Variants in HCK observed in about 807,000 individuals in gnomAD.
HCK encodes the protein HCK proto-oncogene, Src family tyrosine kinase.
A neutral mutation model predicts 70.4 loss-of-function variants in HCK; 40 were observed. The ratio of observed to expected loss-of-function variants is 0.57; its 90% CI spans 0.44 to 0.74. HCK has a LOEUF of 0.74. HCK is among the 30% of genes least tolerant of loss of function. The pLI is 0.00. For synonymous variants in HCK, 245 were observed against 263.2 expected (o/e 0.93, Z 0.67); for missense variants, 568 against 697.2 (o/e 0.81, Z 2.09).
At chr20:32,072,800 C>A (rs557783049) in intron 2 of HCK, among the ~76,000 whole-genome samples, 10 of 152,102 alleles carry the variant, frequency 6.6e-5, no homozygotes, top group African/African-American at 2.2e-4. Flanking sequence ...CCGGTACATC[C>A]AAGACCGAAG....
At chr20:32,054,117 G>C (rs779780341) in intron 1 of HCK, 6 of 427,690 alleles carry the variant, frequency 1.4e-5, no homozygotes, top group Non-Finnish European at 2.8e-5. Context: ...TGTTGTGTTT[G>C]TTTTGAGATT....
intron 11 of HCK, 78 bp from the exon 12 acceptor site, chr20:32,098,926 G>T: frequency 2.0e-6 from 3 of 1,518,498 alleles, no homozygotes; most frequent in Non-Finnish European, 2.7e-6. Flanking sequence ...TCTTGCCCTT[G>T]CCTGTTCCCC....
rs997336181 is a variant in HCK, at chr20:32,101,412, C to A, written c.1474C>A (p.Arg492Ser). ...AGAGGAGCTCTACAACATCATGATG[C>A]GCTGCTGGAAAAACCGTCCGGAGGA... Residue 492 changes from arginine to serine, a missense_variant, in exon 13 of 13, where the codon CGC (arginine) becomes AGC (serine). Arg to Ser is a moderately radical substitution (Grantham distance 110). Coordinates refer to ENST00000375852, the MANE Select transcript of HCK (RefSeq NM_002110.5). The A allele has an allele frequency of 6.2e-6, 10 of 1,614,198 alleles. No individual in the cohort carries two copies. Among genetic ancestry groups the A allele is most frequent in the Non-Finnish European group, 8.5e-6 (10 of 1,180,024 alleles).
At chr20:32,067,037 A>G (rs545191346) in intron 1 of HCK, among the ~76,000 whole-genome samples, 18 of 152,298 alleles carry the variant, frequency 1.2e-4, no homozygotes, top group African/African-American at 3.6e-4. Context: ...ATTATTGTAA[A>G]CAGGTTGCTT....
intron 9 of HCK, 39 bp downstream of exon 9, chr20:32,086,846 A>C (rs2045795766): frequency 6.6e-7 from 1 of 1,505,414 alleles, no homozygotes; most frequent in Non-Finnish European, 8.9e-7. Context: ...GCTGTGGCCT[A>C]TACTGGTCAA....
intron 6 of HCK, among the ~76,000 whole-genome samples, chr20:32,083,498 A>G (rs1415460103): frequency 6.6e-6 from 1 of 152,238 alleles, no homozygotes; most frequent in African/African-American, 2.4e-5. Flanking sequence ...TGATAGAAAG[A>G]TGGAACAATA....
chr20:32,083,820 G>A (rs900184018), intron 6 of HCK, 74 bp from the exon 7 acceptor site: 80 of 1,546,398 alleles, frequency 5.2e-5, no homozygotes, highest in Non-Finnish European at 7.1e-5. Flanking sequence ...AGCCTTACAG[G>A]GTGTCAGAGT....
At chr20:32,098,891 G>C in intron 11 of HCK, 113 bp from the exon 12 acceptor site, 1 of 1,182,992 alleles carries the variant, frequency 8.5e-7, no homozygotes, top group East Asian at 2.4e-5. Context: ...GAAATTGCAG[G>C]TCTGCAGGGG....
At chr20:32,061,904 G>T (rs1004406577) in intron 1 of HCK, among the ~76,000 whole-genome samples, 3 of 150,880 alleles carry the variant, frequency 2.0e-5, no homozygotes, top group Non-Finnish European at 4.4e-5. Flanking sequence ...CTGGGTGGGG[G>T]TTGAGCAGAG....
chr20:32,081,178 A>G (rs2045705068), intron 6 of HCK, among the ~76,000 whole-genome samples: 1 of 152,222 alleles, frequency 6.6e-6, no homozygotes, highest in Non-Finnish European at 1.5e-5. Context: ...ATGAGGTAGG[A>G]TGAGGTCGCC....
intron 10 of HCK, among the ~76,000 whole-genome samples, chr20:32,088,909 C>T (rs192990886): frequency 5.4e-4 from 82 of 152,316 alleles, no homozygotes; most frequent in Admixed American, 2.4e-3. Context: ...CTTGAAACAA[C>T]AGCAATTGTT....
At chr20:32,055,143 T>G (rs2045251249) in intron 1 of HCK, among the ~76,000 whole-genome samples, 2 of 152,146 alleles carry the variant, frequency 1.3e-5, no homozygotes, top group Non-Finnish European at 2.9e-5. Flanking sequence ...AAAGGCTGGA[T>G]GGCTCCCCAG....
At chr20:32,059,168 G>T (rs1007017856) in intron 1 of HCK, among the ~76,000 whole-genome samples, 7 of 152,238 alleles carry the variant, frequency 4.6e-5, no homozygotes, top group African/African-American at 1.7e-4. Context: ...CAGAGGCAGA[G>T]GCTGAGGCCA....
At chr20:32,056,191 T>G (rs548070738) in intron 1 of HCK, among the ~76,000 whole-genome samples, 55 of 152,342 alleles carry the variant, frequency 3.6e-4, no homozygotes, top group African/African-American at 1.3e-3. Flanking sequence ...GGTATATACC[T>G]GAAGTAGAGT....
intron 1 of HCK, among the ~76,000 whole-genome samples, chr20:32,063,431 A>G (rs1392468320): frequency 6.6e-6 from 1 of 151,738 alleles, no homozygotes; most frequent in African/African-American, 2.4e-5. Flanking sequence ...TTTTTTGGGT[A>G]GAGACAGGGT....
intron 3 of HCK, 75 bp downstream of exon 3, chr20:32,073,436 G>C: frequency 7.6e-7 from 1 of 1,313,240 alleles, no homozygotes; most frequent in Non-Finnish European, 1.1e-6. Flanking sequence ...CTTAGCTTGA[G>C]GCATAAATCC....
chr20:32,095,457 A>G (rs1396828889), intron 11 of HCK, among the ~76,000 whole-genome samples: 1 of 152,130 alleles, frequency 6.6e-6, no homozygotes, highest in African/African-American at 2.4e-5. Context: ...GGGTTTCACC[A>G]TGTTGGCCAG....
At chr20:32,076,253 G>A (rs2045624429) in intron 5 of HCK, among the ~76,000 whole-genome samples, 1 of 152,166 alleles carries the variant, frequency 6.6e-6, no homozygotes, top group African/African-American at 2.4e-5. Context: ...TTGACTCCAG[G>A]GGGCAGAGGT....
At chr20:32,075,295 T>G (rs2045605833) in intron 5 of HCK, among the ~76,000 whole-genome samples, 1 of 151,990 alleles carries the variant, frequency 6.6e-6, no homozygotes, top group Non-Finnish European at 1.5e-5. Flanking sequence ...CTGGGCTCAG[T>G]TGATCCTCCC....
Sources: gnomAD v4.1 joint callset for allele counts (sites outside exome capture counted in the v4.1 genomes callset) on GRCh38, gnomAD v4.1.1 for gene constraint, MANE v1.5 for transcripts, NCBI Gene and HGNC (gene_info 2026-07-23, HGNC 2026-07-21) for gene names.